Variants in SCAPER observed in about 807,000 individuals in gnomAD.
The protein encoded by SCAPER is S-phase cyclin A associated protein in the ER.
A neutral mutation model predicts 182.2 loss-of-function variants in SCAPER; 98 were observed. The ratio of observed to expected loss-of-function variants is 0.54; its 90% CI spans 0.46 to 0.64. The LOEUF (loss-of-function observed/expected upper bound fraction) is 0.64, where lower values mean the gene tolerates loss of function less well. Among genes scored for constraint, SCAPER ranks in the 30% least tolerant of loss-of-function variants. The pLI, the probability that SCAPER is intolerant of heterozygous loss-of-function variation, is 0.00. For missense variants in SCAPER, 1,432 were observed against 1,690.0 expected (o/e 0.85, Z 2.68); for synonymous variants, 605 against 564.6 (o/e 1.07, Z -1.01).
intron 23 of SCAPER, among the ~76,000 whole-genome samples, chr15:76,522,818 TTATG>T (rs1376439099): frequency 2.8e-4 from 43 of 152,084 alleles, no homozygotes; most frequent in African/African-American, 9.9e-4. Flanking sequence ...AGTCATAAAA[TTATG>T]TATAAATAGA....
intron 21 of SCAPER, among the ~76,000 whole-genome samples, chr15:76,632,153 T>G (rs2053167279): frequency 6.6e-6 from 1 of 152,128 alleles, no homozygotes; most frequent in Non-Finnish European, 1.5e-5. Context: ...TACATTCCTC[T>G]CTAACTGGTT....
Position 76,381,652 on chromosome 15 carries a change from C to A in SCAPER, c.3468-37G>T. 4.7e-6 allele frequency: 7 copies of A among 1,487,806 alleles called. 1 individual carries two copies. Among genetic ancestry groups the A allele is most frequent in the Non-Finnish European group, 6.4e-6 (7 of 1,090,704 alleles). The allele number at this position is 1,487,806 out of a possible 1,614,324, so 92.2% of individuals were successfully genotyped here. The stretch of plus-strand genomic sequence containing the variant: ...ACATTCAGTTCTTTGAGAAAAACTA[C>A]TTAATGGATGTTAGCAATTTGTATA... On this transcript the variant is annotated intron_variant, in intron 27 of 31. Transcript: ENST00000563290.
At chr15:76,576,080 G>C (rs1246991164) in intron 22 of SCAPER, among the ~76,000 whole-genome samples, 3 of 152,174 alleles carry the variant, frequency 2.0e-5, no homozygotes, top group Non-Finnish European at 4.4e-5. Context: ...ACAATATCCA[G>C]ACCAAGGATG....
chr15:76,569,294 CTTTT>C (rs2047270375), intron 23 of SCAPER, among the ~76,000 whole-genome samples: 1 of 152,050 alleles, frequency 6.6e-6, no homozygotes, highest in African/African-American at 2.4e-5. Flanking sequence ...TTCGTTGTGT[CTTTT>C]GAGATGATAT....
At chr15:76,577,949 T>A (rs2047974020) in intron 22 of SCAPER, among the ~76,000 whole-genome samples, 1 of 152,086 alleles carries the variant, frequency 6.6e-6, no homozygotes. Flanking sequence ...TTTCTGCACC[T>A]GAACTGGGCC....
At chr15:76,773,830 T>C (rs2063598662) in intron 9 of SCAPER, among the ~76,000 whole-genome samples, 1 of 151,916 alleles carries the variant, frequency 6.6e-6, no homozygotes, top group Non-Finnish European at 1.5e-5. Context: ...ACAACCATTT[T>C]ACAACTGATC....
intron 25 of SCAPER, among the ~76,000 whole-genome samples, chr15:76,443,727 G>A (rs989486505): frequency 2.6e-5 from 4 of 152,182 alleles, no homozygotes; most frequent in Admixed American, 6.5e-5. Context: ...GATGAGTGCC[G>A]AAACCATTGT....
chr15:76,819,956 G>A (rs1240269448), intron 5 of SCAPER, among the ~76,000 whole-genome samples: 1 of 152,192 alleles, frequency 6.6e-6, no homozygotes, highest in Non-Finnish European at 1.5e-5. Context: ...CTCAAAAGAA[G>A]ACATTTATGC....
intron 23 of SCAPER, among the ~76,000 whole-genome samples, chr15:76,523,369 A>G (rs940017512): frequency 3.3e-5 from 5 of 152,050 alleles, no homozygotes; most frequent in African/African-American, 1.2e-4. Context: ...CCCATTTCCA[A>G]TATTGTGACC....
intron 21 of SCAPER, among the ~76,000 whole-genome samples, chr15:76,642,774 T>G (rs1257822028): frequency 6.6e-6 from 1 of 152,188 alleles, no homozygotes. Flanking sequence ...TTTGACATCA[T>G]CAGTTATATT....
At chr15:76,756,494 C>A (rs1051458022) in intron 14 of SCAPER, among the ~76,000 whole-genome samples, 2 of 152,136 alleles carry the variant, frequency 1.3e-5, no homozygotes, top group Non-Finnish European at 2.9e-5. Context: ...AGGAGGATGG[C>A]TTGAGCCCAG....
chr15:76,783,625 C>A (rs1391746871), intron 8 of SCAPER, among the ~76,000 whole-genome samples: 1 of 151,376 alleles, frequency 6.6e-6, no homozygotes, highest in Non-Finnish European at 1.5e-5. Context: ...GACATTGATG[C>A]GAAAATCCTC....
intron 17 of SCAPER, among the ~76,000 whole-genome samples, chr15:76,725,088 G>T (rs1175554373): frequency 6.6e-6 from 1 of 151,778 alleles, no homozygotes; most frequent in Non-Finnish European, 1.5e-5. Flanking sequence ...CCAATAAATG[G>T]TATTTCTAAA....
chr15:76,847,825 G>A (rs565366640), intron 4 of SCAPER, among the ~76,000 whole-genome samples: 15 of 152,246 alleles, frequency 9.9e-5, no homozygotes, highest in African/African-American at 3.6e-4. Context: ...GGAGGCTGAG[G>A]TGGAAGGACT....
intron 1 of SCAPER, among the ~76,000 whole-genome samples, chr15:76,896,258 T>C (rs902681748): frequency 1.6e-4 from 25 of 151,648 alleles, no homozygotes; most frequent in African/African-American, 6.1e-4. Context: ...TAGTCCCAGA[T>C]ACTCAGGAGG....
At chr15:76,613,196 T>C (rs1380951254) in intron 22 of SCAPER, among the ~76,000 whole-genome samples, 2 of 152,108 alleles carry the variant, frequency 1.3e-5, no homozygotes, top group African/African-American at 4.8e-5. Flanking sequence ...CAATAAATGG[T>C]GTGGGGATAA....
At position 76,522,851 on chromosome 15, in the gene SCAPER, A is replaced by G. The variant is rs1012125493; in HGVS notation, c.2839-17877T>C. Among the ~76,000 whole-genome samples the G allele has an allele frequency of 2.6e-4, 39 of 152,124 alleles. 2 individuals carry two copies. ...AAATAGAGCTGTTAAAAATATTAAC[A>G]AAATGGTCTAATTAAAAATACAACT... is the stretch of plus-strand genomic sequence containing the variant. On this transcript the variant is annotated intron_variant, in intron 23 of 31. Coordinates refer to ENST00000563290, the MANE Select transcript of SCAPER (RefSeq NM_020843.4).
At chr15:76,669,531 A>G (rs1016293417) in intron 20 of SCAPER, among the ~76,000 whole-genome samples, 2 of 152,222 alleles carry the variant, frequency 1.3e-5, no homozygotes, top group Admixed American at 1.3e-4. Flanking sequence ...CATTTATTGA[A>G]CACTTATTAT....
intron 22 of SCAPER, among the ~76,000 whole-genome samples, chr15:76,610,184 A>G (rs2050852378): frequency 6.6e-6 from 1 of 152,090 alleles, no homozygotes. Flanking sequence ...CCAGCTTTCA[A>G]CATCACTGAC....
Sources: allele counts gnomAD v4.1 joint callset (sites outside exome capture counted in the v4.1 genomes callset), GRCh38; gene constraint gnomAD v4.1.1; transcripts MANE v1.5; gene names NCBI Gene and HGNC (gene_info 2026-07-23, HGNC 2026-07-21).